The following DNAJC3 variants were observed in gnomAD, a reference collection of about 807,000 sequenced individuals.
DNAJC3 encodes the protein dnaJ homolog subfamily C member 3.
A neutral mutation model predicts 68.6 loss-of-function variants in DNAJC3; 38 were observed. That is an observed-to-expected ratio of 0.55 (90% CI 0.43 to 0.73). The LOEUF is 0.73. DNAJC3 is among the 30% of genes least tolerant of loss of function. DNAJC3 has a pLI of 0.00. For missense variants in DNAJC3, 526 were observed against 591.9 expected (o/e 0.89, Z 1.16); for synonymous variants, 203 against 204.0 (o/e 1.00, Z 0.04).
chr13:95,749,337 A>G lies in DNAJC3; in HGVS notation c.394-8307A>G, dbSNP rs141662495. On this transcript the variant is annotated intron_variant, in intron 4 of 11. Transcript: ENST00000602402. The stretch of plus-strand genomic sequence containing the variant: ...ATGATCATGCTGACTGGCTGATGGT[A>G]AGACTCCATCAATTTTTAGATTCAT... Among the ~76,000 whole-genome samples the G allele has an allele frequency of 4.1e-4, 63 of 152,306 alleles. No homozygotes were observed. In the East Asian group the frequency reaches 0.011, roughly 28 times the overall value.
At chr13:95,771,473 CAGTG>C (rs922034856) in intron 9 of DNAJC3, among the ~76,000 whole-genome samples, 2 of 151,958 alleles carry the variant, frequency 1.3e-5, no homozygotes, top group African/African-American at 4.8e-5. Context: ...AGTTGGGGGT[CAGTG>C]GGTGGGATTC....
rs1593979787 is a variant in DNAJC3 at position 95,722,831 on chromosome 13, C to A, written c.194-411C>A. 5.2e-5 allele frequency among the ~76,000 whole-genome samples: 2 copies of A among 38,700 alleles called. 1 individual carries two copies. The highest frequency in any genetic ancestry group is 1.9e-4 in the African/African-American group (2 of 10,330). The allele number at this position is 38,700 out of a possible 152,430, so 25.4% of individuals were successfully genotyped here. Reference sequence around the variant, plus strand: ...ACCTTGTCCGCCCCCCCCCCCCCCCCCCCCCCCCGCCGAAAAAGGTTATAA... The same window carrying A: ...ACCTTGTCCGCCCCCCCCCCCCCCCACCCCCCCCGCCGAAAAAGGTTATAA... On this transcript the variant is annotated intron_variant, in intron 2 of 11. Coordinates refer to ENST00000602402, the MANE Select transcript of DNAJC3 (RefSeq NM_006260.5).
intron 9 of DNAJC3, among the ~76,000 whole-genome samples, chr13:95,783,810 T>C (rs993271650): frequency 6.6e-6 from 1 of 152,016 alleles, no homozygotes; most frequent in Non-Finnish European, 1.5e-5. Context: ...AAAATGAGGC[T>C]CACAGACAAT....
At chr13:95,700,734 C>G (rs539380267) in intron 1 of DNAJC3, among the ~76,000 whole-genome samples, 7 of 152,184 alleles carry the variant, frequency 4.6e-5, no homozygotes, top group Non-Finnish European at 1.0e-4. Context: ...TACTTGACCT[C>G]CATATCTAGC....
rs36052714 is a variant in DNAJC3, at chr13:95,785,452, C to CTTTT, written c.1076-466_1076-463dup. Among the ~76,000 whole-genome samples the CTTTT allele has an allele frequency of 3.5e-3, 276 of 77,944 alleles. 5 individuals carry two copies. The highest frequency in any genetic ancestry group is 6.7e-3 in the African/African-American group (124 of 18,510). 51.1% of individuals were successfully genotyped at this position (77,944 alleles called of 152,430 possible). On this transcript the variant is annotated intron_variant, in intron 9 of 11. Transcript: ENST00000602402. The stretch of plus-strand genomic sequence containing the variant: ...GTTTTCATTATTATGCCTTTTAAAC[C>CTTTT]TTTTTTTTTTTTTTTTTTTTTTTTG...
intron 10 of DNAJC3, 29 bp from the exon 11 acceptor site, chr13:95,786,978 T>C (rs758938629): frequency 6.3e-7 from 1 of 1,589,672 alleles, no homozygotes; most frequent in Middle Eastern, 1.8e-4. Context: ...ACTTTTCCAC[T>C]AATGATTATT....
At chr13:95,716,773 T>C (rs1881163587) in intron 2 of DNAJC3, among the ~76,000 whole-genome samples, 1 of 152,210 alleles carries the variant, frequency 6.6e-6, no homozygotes, top group Non-Finnish European at 1.5e-5. Context: ...CTTCTTCTCC[T>C]CTAGACATCC....
intron 7 of DNAJC3, among the ~76,000 whole-genome samples, chr13:95,761,228 A>G (rs200355970): frequency 6.6e-6 from 1 of 152,220 alleles, no homozygotes; most frequent in East Asian, 1.9e-4. Flanking sequence ...ATTTACTCCA[A>G]ACCAGGATGG....
At chr13:95,758,776 T>A (rs1425483571) in intron 5 of DNAJC3, among the ~76,000 whole-genome samples, 1 of 152,230 alleles carries the variant, frequency 6.6e-6, no homozygotes, top group Non-Finnish European at 1.5e-5. Flanking sequence ...GCAGTCGTAA[T>A]TCACATTTAT....
chr13:95,692,180 TTCC>T (rs568864652), intron 1 of DNAJC3, among the ~76,000 whole-genome samples: 86 of 152,240 alleles, frequency 5.6e-4, no homozygotes, highest in Non-Finnish European at 1.2e-3. Flanking sequence ...TATTGAAACT[TTCC>T]ATGGCCAAGC....
At chr13:95,695,748 C>T (rs906434014) in intron 1 of DNAJC3, 2 of 152,202 alleles carry the variant, frequency 1.3e-5, no homozygotes, top group Admixed American at 6.5e-5. Context: ...TCTTCTAAAC[C>T]AGAAATGGAG....
At chr13:95,682,139 T>G (rs1879930681) in intron 1 of DNAJC3, among the ~76,000 whole-genome samples, 1 of 152,220 alleles carries the variant, frequency 6.6e-6, no homozygotes, top group African/African-American at 2.4e-5. Flanking sequence ...CAGATAATAG[T>G]AGATGCTGAA....
chr13:95,784,965 A>C (rs1174232942), intron 9 of DNAJC3, among the ~76,000 whole-genome samples: 1 of 152,186 alleles, frequency 6.6e-6, no homozygotes, highest in Non-Finnish European at 1.5e-5. Context: ...TTAAAAAAAA[A>C]TACTGTGTAA....
chr13:95,725,193 G>T lies in DNAJC3; in HGVS notation c.334G>T (p.Gly112Cys). The T allele has an allele frequency of 3.1e-6, 5 of 1,587,938 alleles. No individual in the cohort carries two copies. Among genetic ancestry groups the T allele is most frequent in the Non-Finnish European group, 4.3e-6 (5 of 1,169,762 alleles). Residue 112 changes from glycine to cysteine, a missense_variant, in exon 4 of 12, where the codon GGT (glycine) becomes TGT (cysteine). Gly to Cys is a radical substitution (Grantham distance 159, BLOSUM62 -3). Transcript: ENST00000602402. The part of the protein sequence containing the change: ...MDFTAARLQR[G>C]HLLLKQGKLD... ...TTTTTTCTAGGCAAGATTACAGAGA[G>T]GTCACTTATTACTCAAACAAGGAAA...
chr13:95,781,716 G>A (rs776104475), intron 9 of DNAJC3, among the ~76,000 whole-genome samples: 1 of 151,252 alleles, frequency 6.6e-6, no homozygotes, highest in Admixed American at 6.6e-5. Flanking sequence ...TACGCAACAT[G>A]GTATTCTTTA....
chr13:95,709,812 TG>T, intron 2 of DNAJC3, among the ~76,000 whole-genome samples: 1 of 152,160 alleles, frequency 6.6e-6, no homozygotes, highest in East Asian at 1.9e-4. Flanking sequence ...GCTAATTTTT[TG>T]TATTTTTAGT....
At chr13:95,757,621 T>G (rs1566502356) in intron 4 of DNAJC3, 23 bp from the exon 5 acceptor site, 1 of 1,531,012 alleles carries the variant, frequency 6.5e-7, no homozygotes, top group East Asian at 2.3e-5. Context: ...AAAACTCTGC[T>G]TAGTTTTTTA....
intron 4 of DNAJC3, among the ~76,000 whole-genome samples, chr13:95,746,559 T>G (rs1882312997): frequency 6.6e-6 from 1 of 152,226 alleles, no homozygotes; most frequent in African/African-American, 2.4e-5. Flanking sequence ...ATCAAATTTA[T>G]GTTATGCCTA....
At chr13:95,723,199 T>A in intron 2 of DNAJC3, 43 bp from the exon 3 acceptor site, 4 of 1,530,696 alleles carry the variant, frequency 2.6e-6, no homozygotes, top group Non-Finnish European at 3.5e-6. Context: ...AAATTTTTAT[T>A]TTTGAATAAA....
Sources: allele counts gnomAD v4.1 joint callset (sites outside exome capture counted in the v4.1 genomes callset), GRCh38; gene constraint gnomAD v4.1.1; transcripts MANE v1.5; gene names NCBI Gene and HGNC (gene_info 2026-07-23, HGNC 2026-07-21).